NR2C1: variants seen among roughly 807,000 people sequenced by gnomAD.
NR2C1 encodes nuclear receptor subfamily 2 group C member 1, also known as TR2 nuclear hormone receptor.
Under a neutral mutation model 74.8 loss-of-function variants are expected in NR2C1, and 33 were observed. The ratio of observed to expected loss-of-function variants is 0.44; its 90% CI spans 0.33 to 0.59. The LOEUF (loss-of-function observed/expected upper bound fraction) is 0.59, where lower values mean the gene tolerates loss of function less well. Ranked by LOEUF, NR2C1 falls within the 20% of genes least tolerant of loss-of-function variation. The pLI, the probability that NR2C1 is intolerant of heterozygous loss-of-function variation, is 0.02. For missense variants in NR2C1, 568 were observed against 715.6 expected (o/e 0.79, Z 2.35); for synonymous variants, 225 against 240.6 (o/e 0.94, Z 0.60).
Position 95,041,480 on chromosome 12 carries a change from T to TCAAAA in NR2C1, c.1132-888_1132-884dup, listed in dbSNP as rs895322012. On this transcript the variant is annotated intron_variant, in intron 9 of 13. Coordinates refer to ENST00000333003, the MANE Select transcript of NR2C1 (RefSeq NM_003297.4). ...CTGGGCAACAGAGTGAGACTCCATC[T>TCAAAA]CAAAACAAAACAAAACAAAAAAACC... 2.0e-4 allele frequency among the ~76,000 whole-genome samples: 30 copies of TCAAAA among 151,776 alleles called. No individual in the cohort carries two copies. In the South Asian group the frequency reaches 3.5e-3, roughly 18 times the overall value.
At chr12:95,044,899 C>T (rs1229447999) in intron 9 of NR2C1, among the ~76,000 whole-genome samples, 1 of 151,878 alleles carries the variant, frequency 6.6e-6, no homozygotes, top group African/African-American at 2.4e-5. Context: ...AAAACAAAAA[C>T]AAAATCCTTG....
At chr12:95,063,656 C>T (rs2136192987) in intron 2 of NR2C1, among the ~76,000 whole-genome samples, 1 of 147,490 alleles carries the variant, frequency 6.8e-6, no homozygotes, top group Non-Finnish European at 1.5e-5. Flanking sequence ...GACTGGGCAA[C>T]ACAGTGAGAC....
chr12:95,065,190 C>CT (rs200969790), intron 2 of NR2C1, among the ~76,000 whole-genome samples: 5 of 150,946 alleles, frequency 3.3e-5, no homozygotes, highest in African/African-American at 7.3e-5. Context: ...TTCCAAAGAG[C>CT]TTTTTTTTTG....
At chr12:95,065,576 G>A (rs907826310) in intron 2 of NR2C1, among the ~76,000 whole-genome samples, 8 of 152,098 alleles carry the variant, frequency 5.3e-5, no homozygotes, top group African/African-American at 1.9e-4. Context: ...ATGGAAAACA[G>A]GGCATCCATC....
Position 95,072,406 on chromosome 12 carries a change from TCGC to T in NR2C1, c.-8+971_-8+973del, listed in dbSNP as rs1876800597. On this transcript the variant is annotated intron_variant, in intron 1 of 13. Transcript: ENST00000333003. ...AGGCGGAGGTTGCAGTGAGCCGAGA[TCGC>T]GCCACCGCACTCCAGCTTGGCGACA... Among the ~76,000 whole-genome samples the T allele has an allele frequency of 2.9e-5, 4 of 138,628 alleles. No individual in the cohort carries two copies. In the Admixed American group the frequency reaches 3.1e-4, roughly 11 times the overall value. The allele number at this position is 138,628 out of a possible 152,430, so 90.9% of individuals were successfully genotyped here.
intron 9 of NR2C1, 56 bp from the exon 10 acceptor site, chr12:95,040,653 T>A (rs1332603790): frequency 1.3e-6 from 2 of 1,514,380 alleles, no homozygotes; most frequent in Non-Finnish European, 1.8e-6. Context: ...TTCTAAATTA[T>A]CATTTCTTTG....
intron 2 of NR2C1, 126 bp from the exon 3 acceptor site, chr12:95,062,864 A>G: frequency 1.5e-6 from 1 of 678,200 alleles, no homozygotes; most frequent in Non-Finnish European, 2.5e-6. Context: ...TAAACTACCG[A>G]TTCTATTGCC....
intron 2 of NR2C1, among the ~76,000 whole-genome samples, chr12:95,066,241 C>A (rs909481699): frequency 1.1e-4 from 16 of 152,174 alleles, no homozygotes; most frequent in Non-Finnish European, 5.9e-5. Context: ...GCACCTCACG[C>A]CTGTAATCCC....
intron 9 of NR2C1, 123 bp downstream of exon 9, chr12:95,048,945 G>T: frequency 3.2e-6 from 3 of 930,678 alleles, no homozygotes; most frequent in Non-Finnish European, 4.9e-6. Context: ...TTTAGCTGCT[G>T]TTCTGAAATT....
At position 95,052,056 on chromosome 12, in the gene NR2C1, A is replaced by C. The variant is rs1232763039; in HGVS notation, c.784-113T>G. On this transcript the variant is annotated intron_variant, in intron 7 of 13. Transcript: ENST00000333003. Reference sequence around the variant, plus strand: ...AACAAAAGAACAGTATGATAAATGAAACCTGGAAAGTTAAAGGGCTGAGCT... The same window carrying C: ...AACAAAAGAACAGTATGATAAATGACACCTGGAAAGTTAAAGGGCTGAGCT... 1.4e-5 allele frequency: 9 copies of C among 636,982 alleles called. No homozygotes were observed. In the East Asian group the frequency reaches 2.5e-4, roughly 18 times the overall value. 39.5% of individuals were successfully genotyped at this position (636,982 alleles called of 1,614,324 possible).
intron 13 of NR2C1, among the ~76,000 whole-genome samples, chr12:95,023,630 T>C (rs531823868): frequency 6.6e-6 from 1 of 152,292 alleles, no homozygotes; most frequent in Admixed American, 6.5e-5. Flanking sequence ...CACAGTGCTG[T>C]TGTGAGGATG....
chr12:95,039,013 T>C (rs1036478553), intron 10 of NR2C1, among the ~76,000 whole-genome samples: 2 of 152,170 alleles, frequency 1.3e-5, no homozygotes, highest in Non-Finnish European at 2.9e-5. Flanking sequence ...ATAGGAGGAT[T>C]GCTTGAGCCC....
At chr12:95,025,380 C>A (rs527402490) in intron 12 of NR2C1, 125 bp from the exon 13 acceptor site, 12 of 560,934 alleles carry the variant, frequency 2.1e-5, no homozygotes, top group Non-Finnish European at 3.7e-5. Flanking sequence ...TGGCTCAGGC[C>A]GGGCATGGTG....
intron 7 of NR2C1, among the ~76,000 whole-genome samples, chr12:95,053,484 T>A (rs1167190568): frequency 1.3e-5 from 2 of 152,088 alleles, no homozygotes; most frequent in Non-Finnish European, 2.9e-5. Flanking sequence ...CTAATTATGA[T>A]ACATGAGTTT....
intron 2 of NR2C1, 71 bp downstream of exon 2, chr12:95,067,260 C>T (rs1875851271): frequency 2.6e-6 from 3 of 1,164,026 alleles, no homozygotes; most frequent in Non-Finnish European, 3.9e-6. Flanking sequence ...AACTCCAGAA[C>T]CTGGTATATG....
At chr12:95,068,046 T>A (rs1209327410) in intron 1 of NR2C1, among the ~76,000 whole-genome samples, 1 of 151,916 alleles carries the variant, frequency 6.6e-6, no homozygotes, top group African/African-American at 2.4e-5. Context: ...GCCAGCTAAT[T>A]TTTTTGTATT....
intron 9 of NR2C1, among the ~76,000 whole-genome samples, chr12:95,047,128 A>G (rs1365209095): frequency 1.3e-5 from 2 of 152,304 alleles, no homozygotes; most frequent in African/African-American, 4.8e-5. Context: ...TTCCCTCACA[A>G]TGGGTCCTGT....
intron 13 of NR2C1, among the ~76,000 whole-genome samples, chr12:95,022,883 T>C (rs1259591496): frequency 6.7e-6 from 1 of 148,566 alleles, no homozygotes; most frequent in African/African-American, 2.5e-5. Flanking sequence ...TTTTTTTTTT[T>C]GTAGAGACAG....
At chr12:95,049,661 A>G (rs1022056610) in intron 8 of NR2C1, among the ~76,000 whole-genome samples, 4 of 152,122 alleles carry the variant, frequency 2.6e-5, no homozygotes, top group South Asian at 4.1e-4. Flanking sequence ...ATATATATAT[A>G]TATGATACTA....
Sources: allele counts gnomAD v4.1 joint callset (sites outside exome capture counted in the v4.1 genomes callset), GRCh38; gene constraint gnomAD v4.1.1; transcripts MANE v1.5; gene names NCBI Gene and HGNC (gene_info 2026-07-23, HGNC 2026-07-21).